The following TOM1L1 variants were observed in gnomAD, a reference collection of about 807,000 sequenced individuals.
TOM1L1 encodes TOM1-like protein 1.
TOM1L1 carries 64 observed loss-of-function variants against 63.4 expected under a neutral mutation model. The observed-to-expected ratio is 1.01, with a 90% confidence interval of 0.83 to 1.24. The LOEUF (loss-of-function observed/expected upper bound fraction) is 1.24. TOM1L1 is among the 50% of genes most tolerant of loss of function. TOM1L1 has a pLI of 0.00. For synonymous variants in TOM1L1, 166 were observed against 194.4 expected (o/e 0.85, Z 1.22); for missense variants, 536 against 567.0 (o/e 0.95, Z 0.55).
At chr17:54,945,769 G>T (rs1354423849) in intron 11 of TOM1L1, among the ~76,000 whole-genome samples, 1 of 149,320 alleles carries the variant, frequency 6.7e-6, no homozygotes, top group Non-Finnish European at 1.5e-5. Flanking sequence ...TATTTTTCAG[G>T]TTTTTTTTTC....
At position 54,960,572 on chromosome 17, in the gene TOM1L1, T is replaced by G; in HGVS notation, c.1377T>G (p.Ile459Met). The change falls in exon 15 of 16, where the codon ATT (isoleucine) becomes ATG (methionine). Residue 459 changes from isoleucine to methionine, a missense_variant. Ile to Met is a conservative substitution (Grantham distance 10). Coordinates refer to ENST00000575882, the MANE Select transcript of TOM1L1 (RefSeq NM_005486.3). The stretch of plus-strand genomic sequence containing the variant: ...TGTGATGGCTTTGTTTCAGAGCTAT[T>G]TATGAAGAAATTGATGCTCACCAGC... Reference protein sequence around the residue: ...PLAPAVTTEAIYEEIDAHQHK... With the variant: ...PLAPAVTTEAMYEEIDAHQHK... 1 of 1,613,082 alleles carries G rather than the reference T, an allele frequency of 6.2e-7. No individual in the cohort carries two copies. The highest frequency in any genetic ancestry group is 1.1e-5 in the South Asian group (1 of 91,036).
chr17:54,912,818 A>G lies in TOM1L1; in HGVS notation c.372+3A>G, dbSNP rs1406731138. 1 of 1,600,896 alleles carries G rather than the reference A, an allele frequency of 6.2e-7. No individual in the cohort carries two copies. The highest frequency in any genetic ancestry group is 2.2e-5 in the East Asian group (1 of 44,610). On this transcript the variant is annotated splice_donor_region_variant and intron_variant, in intron 4 of 15. Coordinates refer to ENST00000575882, the MANE Select transcript of TOM1L1 (RefSeq NM_005486.3). ...ATAGAATCTTGAATTTCATTAAGGT[A>G]AGTCTGTTGTATACCTCATGGGATG... is the stretch of plus-strand genomic sequence containing the variant.
At chr17:54,932,018 G>A (rs1299323977) in intron 8 of TOM1L1, among the ~76,000 whole-genome samples, 1 of 149,812 alleles carries the variant, frequency 6.7e-6, no homozygotes, top group Non-Finnish European at 1.5e-5. Flanking sequence ...GCAGTGGCAC[G>A]ATCTTGGCTC....
intron 5 of TOM1L1, among the ~76,000 whole-genome samples, chr17:54,914,165 T>C (rs1210828326): frequency 6.6e-6 from 1 of 152,184 alleles, no homozygotes; most frequent in Non-Finnish European, 1.5e-5. Context: ...TGAGAAGCAC[T>C]GGCCTAGAGC....
intron 14 of TOM1L1, chr17:54,955,055 C>T (rs1258143284): frequency 1.3e-5 from 2 of 152,110 alleles, no homozygotes; most frequent in South Asian, 2.1e-4. Context: ...CTTCCAAGAC[C>T]TAGTTCACGA....
chr17:54,949,704 A>G (rs912325670), intron 13 of TOM1L1, 81 bp downstream of exon 13: 2 of 1,158,182 alleles, frequency 1.7e-6, no homozygotes, highest in African/African-American at 3.1e-5. Flanking sequence ...TTGGTAACTG[A>G]AAATAGGAGA....
chr17:54,956,440 G>T (rs1162858859), intron 14 of TOM1L1, among the ~76,000 whole-genome samples: 1 of 151,968 alleles, frequency 6.6e-6, no homozygotes, highest in African/African-American at 2.4e-5. Flanking sequence ...GAGTAGCTGG[G>T]GACTACAAGC....
intron 8 of TOM1L1, among the ~76,000 whole-genome samples, chr17:54,931,434 A>C (rs1164455902): frequency 2.0e-5 from 3 of 152,138 alleles, no homozygotes; most frequent in Non-Finnish European, 4.4e-5. Flanking sequence ...GTCCCATTTA[A>C]CCTTTACATT....
chr17:54,932,078 T>C (rs1183438874), intron 8 of TOM1L1, among the ~76,000 whole-genome samples: 2 of 151,780 alleles, frequency 1.3e-5, no homozygotes, highest in Non-Finnish European at 2.9e-5. Context: ...CCTCAGCCTG[T>C]AGCAGGACGA....
chr17:54,911,247 T>C (rs2048492613), intron 3 of TOM1L1, among the ~76,000 whole-genome samples: 1 of 152,204 alleles, frequency 6.6e-6, no homozygotes, highest in South Asian at 2.1e-4. Context: ...GCCTTATGTA[T>C]TCCTGATTTT....
intron 3 of TOM1L1, among the ~76,000 whole-genome samples, chr17:54,911,649 A>T (rs923930916): frequency 6.6e-6 from 1 of 151,172 alleles, no homozygotes; most frequent in Non-Finnish European, 1.5e-5. Flanking sequence ...TGGTGTCATG[A>T]CTCCTCCTTT....
chr17:54,910,041 T>A (rs2143756353), intron 3 of TOM1L1, among the ~76,000 whole-genome samples: 1 of 152,350 alleles, frequency 6.6e-6, no homozygotes, highest in Non-Finnish European at 1.5e-5. Flanking sequence ...ACAAAAGGCA[T>A]GACTGCTAAT....
chr17:54,907,623 G>A (rs941487165), intron 3 of TOM1L1, among the ~76,000 whole-genome samples: 11 of 152,044 alleles, frequency 7.2e-5, no homozygotes, highest in South Asian at 2.1e-4. Context: ...ACCTAATCCC[G>A]TCTCTCCTAG....
chr17:54,918,606 A>G (rs2048630245), intron 7 of TOM1L1, among the ~76,000 whole-genome samples: 2 of 152,206 alleles, frequency 1.3e-5, no homozygotes, highest in South Asian at 4.1e-4. Flanking sequence ...GGGGCTACAT[A>G]ACCAGGTCAG....
chr17:54,947,227 A>G (rs766760768), intron 11 of TOM1L1, 34 bp from the exon 12 acceptor site: 1 of 1,609,250 alleles, frequency 6.2e-7, no homozygotes, highest in Non-Finnish European at 8.5e-7. Context: ...TTCTCACTGT[A>G]GGGTAATCAT....
intron 7 of TOM1L1, among the ~76,000 whole-genome samples, chr17:54,921,760 A>G (rs770208230): frequency 6.6e-6 from 1 of 152,046 alleles, no homozygotes; most frequent in Non-Finnish European, 1.5e-5. Flanking sequence ...AAATAAATAT[A>G]CATTCATTGT....
chr17:54,924,640 A>G lies in TOM1L1; in HGVS notation c.721-5433A>G, dbSNP rs573603319. ...TCACAGTGTCTGACGCTTTTCTTGC[A>G]TGGTCGTCAGCTGTCTTTGCCTACT... On this transcript the variant is annotated intron_variant, in intron 7 of 15. Coordinates refer to ENST00000575882, the MANE Select transcript of TOM1L1 (RefSeq NM_005486.3). 1.1e-3 allele frequency among the ~76,000 whole-genome samples: 171 copies of G among 152,278 alleles called. 1 individual carries two copies. Among genetic ancestry groups the G allele is most frequent in the African/African-American group, 3.7e-3 (153 of 41,544 alleles).
intron 1 of TOM1L1, among the ~76,000 whole-genome samples, chr17:54,902,189 A>G (rs542326152): frequency 6.6e-6 from 1 of 152,326 alleles, no homozygotes; most frequent in Non-Finnish European, 1.5e-5. Context: ...AGAAGGGAGA[A>G]ATGAATTCTG....
At chr17:54,937,307 C>A (rs923671054) in intron 10 of TOM1L1, 81 bp downstream of exon 10, 1 of 1,119,666 alleles carries the variant, frequency 8.9e-7, no homozygotes, top group Non-Finnish European at 1.4e-6. Flanking sequence ...GATTAAATAC[C>A]ACCTAAGAAG....
Sources: allele counts gnomAD v4.1 joint callset (sites outside exome capture counted in the v4.1 genomes callset), GRCh38; gene constraint gnomAD v4.1.1; transcripts MANE v1.5; gene names NCBI Gene and HGNC (gene_info 2026-07-23, HGNC 2026-07-21).